BNC2: variants seen among roughly 807,000 people sequenced by gnomAD.
BNC2 encodes the protein basonuclin zinc finger protein 2, also known as zinc finger protein basonuclin-2.
In BNC2, 20 loss-of-function variants were observed where a neutral mutation model predicts 76.3. The ratio of observed to expected loss-of-function variants is 0.26; its 90% CI spans 0.18 to 0.38. The LOEUF (loss-of-function observed/expected upper bound fraction) is 0.38. BNC2 is among the 10% of genes least tolerant of loss of function. The pLI, the probability that BNC2 is intolerant of heterozygous loss-of-function variation, is 1.00. For synonymous variants in BNC2, 582 were observed against 514.8 expected, an observed-to-expected ratio of 1.13 and a Z score of -1.77; for missense variants, 1,382 against 1,399.8, an observed-to-expected ratio of 0.99 and a Z score of 0.20.
chr9:16,497,115 G>A (rs1822407049), intron 5 of BNC2, among the ~76,000 whole-genome samples: 1 of 152,232 alleles, frequency 6.6e-6, no homozygotes, highest in Non-Finnish European at 1.5e-5. Context: ...GTTCACCCTT[G>A]TGGTCACTAT....
intron 5 of BNC2, among the ~76,000 whole-genome samples, chr9:16,442,878 G>C (rs1373261555): frequency 1.3e-5 from 2 of 151,984 alleles, no homozygotes; most frequent in African/African-American, 4.8e-5. Flanking sequence ...GGCAGAGGCA[G>C]GCGGATCACC....
At chr9:16,646,576 T>A (rs1821633037) in intron 3 of BNC2, among the ~76,000 whole-genome samples, 2 of 152,146 alleles carry the variant, frequency 1.3e-5, no homozygotes. Flanking sequence ...AAAATAATGG[T>A]TGCCTTAGGG....
At chr9:16,643,301 G>T (rs1821539876) in intron 3 of BNC2, among the ~76,000 whole-genome samples, 1 of 98,422 alleles carries the variant, frequency 1.0e-5, no homozygotes, top group East Asian at 2.9e-4. Flanking sequence ...GCAAGACTCT[G>T]TCTCAAAAAA....
rs915415990 is a variant in BNC2 at position 16,856,672 on chromosome 9, T to C, written c.3+13974A>G. ...TGGGTTTAAAAAAATTTTTGTTTTT[T>C]AGTATCCTTTAGCGTTAATGCACAT... On this transcript the variant is annotated intron_variant, in intron 1 of 6. Transcript: ENST00000380672. Among the ~76,000 whole-genome samples, 16 of 152,234 alleles carry C rather than the reference T, an allele frequency of 1.1e-4. 1 individual carries two copies. Among genetic ancestry groups the C allele is most frequent in the Non-Finnish European group, 2.4e-4 (16 of 68,040 alleles).
At chr9:16,459,960 TA>T (rs1821538975) in intron 5 of BNC2, among the ~76,000 whole-genome samples, 1 of 152,206 alleles carries the variant, frequency 6.6e-6, no homozygotes, top group African/African-American at 2.4e-5. Flanking sequence ...TCCATCTTAT[TA>T]CCTAGAGAGG....
chr9:16,449,969 C>T (rs932549407), intron 5 of BNC2, among the ~76,000 whole-genome samples: 7 of 151,944 alleles, frequency 4.6e-5, no homozygotes, highest in African/African-American at 7.3e-5. Flanking sequence ...TCAAATTAAA[C>T]GGGTTAGGTA....
intron 1 of BNC2, among the ~76,000 whole-genome samples, chr9:16,864,930 T>G (rs985039545): frequency 6.6e-6 from 1 of 151,624 alleles, no homozygotes; most frequent in South Asian, 2.1e-4. Flanking sequence ...GCAGAGATCC[T>G]TGGCTCAAGC....
At chr9:16,479,017 C>T (rs1397792490) in intron 5 of BNC2, among the ~76,000 whole-genome samples, 1 of 152,016 alleles carries the variant, frequency 6.6e-6, no homozygotes, top group Admixed American at 6.6e-5. Flanking sequence ...TTTGGAAGGC[C>T]GAAGTGGGCA....
chr9:16,856,683 A>G (rs1234762904), intron 1 of BNC2, among the ~76,000 whole-genome samples: 3 of 152,216 alleles, frequency 2.0e-5, no homozygotes, highest in Non-Finnish European at 4.4e-5. Context: ...AGTATCCTTT[A>G]GCGTTAATGC....
At chr9:16,785,770 G>A (rs1170692353) in intron 1 of BNC2, among the ~76,000 whole-genome samples, 1 of 149,296 alleles carries the variant, frequency 6.7e-6, no homozygotes, top group African/African-American at 2.5e-5. Flanking sequence ...TTGCACCATT[G>A]CACTCCAGCC....
At chr9:16,759,922 A>G (rs1446286602) in intron 1 of BNC2, among the ~76,000 whole-genome samples, 2 of 151,972 alleles carry the variant, frequency 1.3e-5, no homozygotes, top group Non-Finnish European at 2.9e-5. Flanking sequence ...ACGGGGTTTC[A>G]CCGCATTAGC....
At chr9:16,708,271 T>C (rs7038172) in intron 3 of BNC2, among the ~76,000 whole-genome samples, 15,018 of 152,218 alleles carry the variant, frequency 0.099, 1,141 homozygotes, top group East Asian at 0.41. Context: ...TAAATGGCAT[T>C]TAGAAATAAG....
chr9:16,857,189 G>T (rs1397551116), intron 1 of BNC2, among the ~76,000 whole-genome samples: 3 of 152,062 alleles, frequency 2.0e-5, no homozygotes, highest in Non-Finnish European at 2.9e-5. Context: ...TTTTAGAAGT[G>T]ATTTCAGGCC....
chr9:16,756,047 T>A (rs1210516726), intron 1 of BNC2, among the ~76,000 whole-genome samples: 1 of 152,156 alleles, frequency 6.6e-6, no homozygotes, highest in Admixed American at 6.5e-5. Context: ...AACTCAGGTG[T>A]CTCTCATGAG....
At chr9:16,539,670 G>A (rs1818246841) in intron 5 of BNC2, among the ~76,000 whole-genome samples, 1 of 68,456 alleles carries the variant, frequency 1.5e-5, no homozygotes, top group African/African-American at 5.6e-5. Flanking sequence ...GAGGGAGGGA[G>A]GGAGGGAGGA....
Position 16,419,668 on chromosome 9 carries a change from AG to A in BNC2, c.2640-20del, listed in dbSNP as rs144257997. 1.9e-4 allele frequency: 111 copies of A among 578,132 alleles called. 1 individual carries two copies. The highest frequency in any genetic ancestry group is 2.8e-4 in the Non-Finnish European group (91 of 330,496). The allele number at this position is 578,132 out of a possible 1,614,324, so 35.8% of individuals were successfully genotyped here. A position where few individuals can be genotyped will look rare whatever the true frequency, so the allele number is the denominator to read the frequency against. The stretch of plus-strand genomic sequence containing the variant: ...ACTGTGTCTAGGAAAACAAGAGGGA[AG>A]GGGGGGTACGTGGATGGGGGGTGGG... On this transcript the variant is annotated intron_variant, in intron 6 of 6. Coordinates refer to ENST00000380672, the MANE Select transcript of BNC2 (RefSeq NM_017637.6).
chr9:16,741,391 T>G (rs2135162838), intron 1 of BNC2, among the ~76,000 whole-genome samples: 1 of 151,366 alleles, frequency 6.6e-6, no homozygotes, highest in African/African-American at 2.4e-5. Flanking sequence ...AGGTGGAGGT[T>G]GCGGTGAGCC....
intron 5 of BNC2, among the ~76,000 whole-genome samples, chr9:16,460,782 T>G (rs1821562236): frequency 6.6e-6 from 1 of 152,066 alleles, no homozygotes. Context: ...AAATCCCTGA[T>G]TTTTAGCGTT....
In BNC2 at chr9:16,539,681, AGG is replaced by A. The variant is rs1563830823; in HGVS notation, c.669+12847_669+12848del. On this transcript the variant is annotated intron_variant, in intron 5 of 6. Coordinates refer to ENST00000380672, the MANE Select transcript of BNC2 (RefSeq NM_017637.6). ...AAGGGAGGGAGGGAGGGAGGGAGGA[AGG>A]AAGGAAGGGAGAAAGGAAGGGAGGA... 1.1e-4 allele frequency among the ~76,000 whole-genome samples: 6 copies of A among 54,042 alleles called. 1 individual carries two copies. Among genetic ancestry groups the A allele is most frequent in the African/African-American group, 3.8e-4 (6 of 15,696 alleles). The allele number at this position is 54,042 out of a possible 152,430, so 35.5% of individuals were successfully genotyped here.
Sources: allele counts gnomAD v4.1 joint callset (sites outside exome capture counted in the v4.1 genomes callset), GRCh38; gene constraint gnomAD v4.1.1; transcripts MANE v1.5; gene names NCBI Gene and HGNC (gene_info 2026-07-23, HGNC 2026-07-21).